The following SPRY3 variants were observed in gnomAD, a reference collection of about 807,000 sequenced individuals.
The protein encoded by SPRY3 is sprouty RTK signaling antagonist 3, also known as protein sprouty homolog 3.
A neutral mutation model predicts 20.2 loss-of-function variants in SPRY3; 15 were observed. That is an observed-to-expected ratio of 0.74 (90% CI 0.50 to 1.14). The LOEUF (loss-of-function observed/expected upper bound fraction) is 1.14. Ranked by LOEUF, SPRY3 falls within the 50% of genes most tolerant of loss-of-function variation. The probability of loss-of-function intolerance (pLI) is 0.00; values close to 1 mark genes in which losing one functional copy is unlikely to be tolerated. For missense variants in SPRY3, 364 were observed against 363.9 expected (o/e 1.00, Z 0.00); for synonymous variants, 143 against 136.5 (o/e 1.05, Z -0.33).
chrX:155,740,312 G>A (rs1024465790), intron 2 of SPRY3, among the ~76,000 whole-genome samples: 16 of 152,068 alleles, frequency 1.1e-4, no homozygotes, highest in African/African-American at 3.9e-4. Flanking sequence ...GCAATTTTAG[G>A]GAGCAAGGGA....
chrX:155,681,621 A>G (rs2068074379), intron 2 of SPRY3, among the ~76,000 whole-genome samples: 1 of 112,471 alleles, frequency 8.9e-6, no homozygotes, highest in African/African-American at 3.2e-5. Flanking sequence ...AAGCTCTTGA[A>G]AAAATTAAAA....
chrX:155,773,016 C>A (rs1286675105), intron 3 of SPRY3, among the ~76,000 whole-genome samples: 1 of 151,924 alleles, frequency 6.6e-6, no homozygotes, highest in East Asian at 1.9e-4. Context: ...AAGTTTGATT[C>A]TGGAGCCTCC....
At chrX:155,709,606 T>C (rs1173782428) in intron 2 of SPRY3, among the ~76,000 whole-genome samples, 1 of 151,884 alleles carries the variant, frequency 6.6e-6, no homozygotes, top group African/African-American at 2.4e-5. Context: ...TCTTCCATTC[T>C]GTGGGTTGTC....
chrX:155,688,213 T>A (rs1337467642), intron 2 of SPRY3, among the ~76,000 whole-genome samples: 1 of 110,678 alleles, frequency 9.0e-6, no homozygotes, highest in Admixed American at 9.7e-5. Flanking sequence ...GAGGACATGA[T>A]CTCGTTCCTT....
At chrX:155,768,058 T>A (rs2091354470) in exon 3 of SPRY3, 1 of 152,214 alleles carries the variant, frequency 6.6e-6, no homozygotes, top group South Asian at 2.1e-4. Context: ...ACCTAAAGAC[T>A]GAGGAGAAGA....
chrX:155,639,110 C>T (rs947707002), intron 1 of SPRY3, among the ~76,000 whole-genome samples: 5 of 111,955 alleles, frequency 4.5e-5, no homozygotes, highest in Non-Finnish European at 7.5e-5. Flanking sequence ...TTACCCTTTG[C>T]GTTTCCTCTA....
chrX:155,670,464 G>A (rs782185308), intron 2 of SPRY3, among the ~76,000 whole-genome samples: 2 of 111,877 alleles, frequency 1.8e-5, no homozygotes, highest in East Asian at 2.8e-4. Context: ...AATTAGGGCA[G>A]TGGAGAAATC....
chrX:155,724,945 G>T (rs758081870), intron 2 of SPRY3, among the ~76,000 whole-genome samples: 2 of 152,140 alleles, frequency 1.3e-5, no homozygotes, highest in Non-Finnish European at 2.9e-5. Context: ...GTATGATATT[G>T]GCTATGGGTT....
rs148315359 is a variant in SPRY3, at chrX:155,670,744, C to T, written c.-282+13719C>T. Among the ~76,000 whole-genome samples, 982 of 111,719 alleles carry T rather than the reference C, an allele frequency of 8.8e-3. 15 individuals carry two copies. Among genetic ancestry groups the T allele is most frequent in the Middle Eastern group, 0.019 (4 of 216 alleles). On this transcript the variant is annotated intron_variant, in intron 2 of 3. Coordinates refer to ENST00000675360, the Ensembl canonical transcript of SPRY3. ...ACTTCATAACAATCTGTGGGGTAGGCAAAGCAGAAATTGTTTTTCTATTTT... is the reference window on the plus strand; with the variant it reads ...ACTTCATAACAATCTGTGGGGTAGGTAAAGCAGAAATTGTTTTTCTATTTT...
chrX:155,700,616 CTTT>C lies in SPRY3; in HGVS notation c.-282+43606_-282+43608del, dbSNP rs759851874. Reference sequence around the variant, plus strand: ...TTCAGCCATAAAAAGGAATGAAGTTCTTTTTTTTTTTTTTTTTATTATACTCTA... The same window carrying C: ...TTCAGCCATAAAAAGGAATGAAGTTCTTTTTTTTTTTTTTATTATACTCTA... On this transcript the variant is annotated intron_variant, in intron 2 of 3. Coordinates refer to ENST00000675360, the Ensembl canonical transcript of SPRY3. Among the ~76,000 whole-genome samples, 3 of 66,055 alleles carry C rather than the reference CTTT, an allele frequency of 4.5e-5. 1 individual carries two copies. Among genetic ancestry groups the C allele is most frequent in the African/African-American group, 2.4e-4 (3 of 12,273 alleles). 57.4% of individuals were successfully genotyped at this position (66,055 alleles called of 115,157 possible). A position where few individuals can be genotyped will look rare whatever the true frequency, so the allele number is the denominator to read the frequency against.
rs777645433 is a variant in SPRY3, at chrX:155,690,648, C to T, written c.-282+33623C>T. On this transcript the variant is annotated intron_variant, in intron 2 of 3. Transcript: ENST00000675360. ...AATTCGACAAGAAGACCTAACTCTC[C>T]TAAATATATATTCACCCAATACAGG... Among the ~76,000 whole-genome samples the T allele has an allele frequency of 9.2e-5, 8 of 87,241 alleles. 1 individual carries two copies. In the South Asian group the frequency reaches 3.9e-3, roughly 42 times the overall value. 75.8% of individuals were successfully genotyped at this position (87,241 alleles called of 115,157 possible).
chrX:155,689,833 T>G (rs1387574681), intron 2 of SPRY3, among the ~76,000 whole-genome samples: 1 of 87,155 alleles, frequency 1.1e-5, no homozygotes, highest in Non-Finnish European at 2.1e-5. Flanking sequence ...TCAGCTCTGA[T>G]TTTGGTTATT....
chrX:155,653,031 A>G (rs782496332), intron 1 of SPRY3, among the ~76,000 whole-genome samples: 2 of 111,543 alleles, frequency 1.8e-5, no homozygotes, highest in South Asian at 3.8e-4. Flanking sequence ...AGAAATGTCT[A>G]TTCAAGTCAT....
chrX:155,669,249 AGT>A (rs1379357495), intron 2 of SPRY3, among the ~76,000 whole-genome samples: 1 of 111,498 alleles, frequency 9.0e-6, no homozygotes, highest in African/African-American at 3.2e-5. Flanking sequence ...ACCATTCAGA[AGT>A]TATAGAGTTC....
intron 2 of SPRY3, among the ~76,000 whole-genome samples, chrX:155,744,601 A>G (rs1321483196): frequency 6.6e-6 from 1 of 152,094 alleles, no homozygotes; most frequent in African/African-American, 2.4e-5. Context: ...TACTAATCCC[A>G]CAGAGAAAAT....
chrX:155,634,070 A>T (rs1344505749), intron 1 of SPRY3, among the ~76,000 whole-genome samples: 2 of 107,432 alleles, frequency 1.9e-5, no homozygotes, highest in Non-Finnish European at 3.8e-5. Context: ...ACAGAGCGAG[A>T]CTCCATCAAA....
At chrX:155,734,364 A>G (rs959365923) in intron 2 of SPRY3, among the ~76,000 whole-genome samples, 1 of 152,066 alleles carries the variant, frequency 6.6e-6, no homozygotes, top group Non-Finnish European at 1.5e-5. Flanking sequence ...TGGAGCAGTC[A>G]GAACACACAC....
chrX:155,751,600 A>G (rs1225993762), intron 2 of SPRY3, among the ~76,000 whole-genome samples: 1 of 151,952 alleles, frequency 6.6e-6, no homozygotes, highest in African/African-American at 2.4e-5. Context: ...AGAGGTAAAT[A>G]TTATAATGTA....
At chrX:155,772,690 G>C (rs756703074) in intron 3 of SPRY3, among the ~76,000 whole-genome samples, 1 of 151,920 alleles carries the variant, frequency 6.6e-6, no homozygotes, top group South Asian at 2.1e-4. Context: ...ATCAGTTCTA[G>C]GCTTGGTAAA....
Sources: allele counts gnomAD v4.1 joint callset (sites outside exome capture counted in the v4.1 genomes callset), GRCh38; gene constraint gnomAD v4.1.1; transcripts MANE v1.5; gene names NCBI Gene and HGNC (gene_info 2026-07-23, HGNC 2026-07-21).